Variants in SLC22A3 observed in about 807,000 individuals in gnomAD.
SLC22A3 encodes EMT organic cation transporter 3.
Under a neutral mutation model 59.1 loss-of-function variants are expected in SLC22A3, and 51 were observed. The ratio of observed to expected loss-of-function variants is 0.86; its 90% confidence interval spans 0.69 to 1.09. The LOEUF (loss-of-function observed/expected upper bound fraction) is 1.09. SLC22A3 is among the 50% of genes least tolerant of loss of function. The probability of loss-of-function intolerance (pLI) is 0.00; values close to 1 mark genes in which losing one functional copy is unlikely to be tolerated. For synonymous variants in SLC22A3, 325 were observed against 292.0 expected (o/e 1.11, Z -1.15); for missense variants, 711 against 726.3 (o/e 0.98, Z 0.24).
rs149331607 is a variant in SLC22A3 at position 160,431,478 on chromosome 6, C to A, written c.976-5302C>A. The stretch of plus-strand genomic sequence containing the variant: ...TTAAATGTAGCAAAATATGTACTTG[C>A]TTGGAAGTACTCTTAATCCTTTCAT... On this transcript the variant is annotated intron_variant, in intron 5 of 10. Coordinates refer to ENST00000275300, the MANE Select transcript of SLC22A3 (RefSeq NM_021977.4). Among the ~76,000 whole-genome samples, 1,075 of 152,272 alleles carry A rather than the reference C, an allele frequency of 7.1e-3. 19 individuals carry two copies. Among genetic ancestry groups the A allele is most frequent in the African/African-American group, 0.025 (1,037 of 41,562 alleles).
chr6:160,405,028 GA>G (rs999736580), intron 2 of SLC22A3, among the ~76,000 whole-genome samples: 12 of 151,970 alleles, frequency 7.9e-5, no homozygotes, highest in Admixed American at 7.2e-4. Context: ...CATAATCCAT[GA>G]AAAAAAGAAC....
At position 160,393,797 on chromosome 6, in the gene SLC22A3, A is replaced by G. The variant is rs536320074; in HGVS notation, c.430-4182A>G. 2.0e-5 allele frequency among the ~76,000 whole-genome samples: 3 copies of G among 152,374 alleles called. No homozygotes were observed. The South Asian group carries it at 6.2e-4, about 32-fold the overall frequency. On this transcript the variant is annotated intron_variant, in intron 1 of 10. Transcript: ENST00000275300. ...GAAATGACAACTTTAGCATATATCT[A>G]ATAATTACTTGCCCCAGCATTTCAT...
intron 1 of SLC22A3, among the ~76,000 whole-genome samples, chr6:160,380,448 T>C (rs73782568): frequency 0.013 from 1,941 of 152,230 alleles, 48 homozygotes; most frequent in African/African-American, 0.044. Flanking sequence ...ATGTACTAAA[T>C]GCAACCTTTT....
intron 9 of SLC22A3, 62 bp from the exon 10 acceptor site, chr6:160,447,657 C>A: frequency 7.5e-7 from 1 of 1,339,378 alleles, no homozygotes; most frequent in Non-Finnish European, 1.0e-6. Flanking sequence ...GTGAGCAGGC[C>A]CCATGGGAGA....
At chr6:160,382,626 G>A (rs995875302) in intron 1 of SLC22A3, among the ~76,000 whole-genome samples, 4 of 152,148 alleles carry the variant, frequency 2.6e-5, no homozygotes, top group Non-Finnish European at 4.4e-5. Flanking sequence ...TATCAAGCTA[G>A]TAAGACATGC....
intron 1 of SLC22A3, among the ~76,000 whole-genome samples, chr6:160,360,774 C>T (rs1271678476): frequency 6.6e-6 from 1 of 152,100 alleles, no homozygotes; most frequent in African/African-American, 2.4e-5. Context: ...CCCCCCCGCC[C>T]CAACCAATGT....
At chr6:160,423,765 C>G (rs937988678) in intron 5 of SLC22A3, among the ~76,000 whole-genome samples, 2 of 152,152 alleles carry the variant, frequency 1.3e-5, no homozygotes, top group South Asian at 2.1e-4. Flanking sequence ...CTCCCATTCT[C>G]TAGGTTGCCT....
chr6:160,400,642 T>C (rs992559721), intron 2 of SLC22A3, among the ~76,000 whole-genome samples: 1 of 118,582 alleles, frequency 8.4e-6, no homozygotes, highest in African/African-American at 3.6e-5. Flanking sequence ...TTACAAGACA[T>C]ACTAAAAGCC....
chr6:160,377,817 C>T (rs192695045), intron 1 of SLC22A3, among the ~76,000 whole-genome samples: 10 of 152,306 alleles, frequency 6.6e-5, no homozygotes, highest in East Asian at 3.9e-4. Flanking sequence ...GCTAAGCAAA[C>T]GTAGGTTTGG....
At chr6:160,397,678 A>G (rs1408980999) in intron 1 of SLC22A3, among the ~76,000 whole-genome samples, 3 of 151,300 alleles carry the variant, frequency 2.0e-5, no homozygotes, top group African/African-American at 4.9e-5. Flanking sequence ...AGGTTGCAGT[A>G]AGCAGAGATT....
At chr6:160,425,775 T>C (rs1787929659) in intron 5 of SLC22A3, 1 of 970,548 alleles carries the variant, frequency 1.0e-6, no homozygotes, top group Non-Finnish European at 1.2e-6. Flanking sequence ...CTAGTCTATA[T>C]ATTTGTTGGA....
At chr6:160,434,270 C>T (rs997524980) in intron 5 of SLC22A3, among the ~76,000 whole-genome samples, 4 of 152,168 alleles carry the variant, frequency 2.6e-5, no homozygotes, top group African/African-American at 9.7e-5. Context: ...AGTTTTAGGT[C>T]AAGTGCACAG....
intron 10 of SLC22A3, among the ~76,000 whole-genome samples, chr6:160,450,127 T>C (rs1341372349): frequency 6.6e-6 from 1 of 151,948 alleles, no homozygotes; most frequent in Non-Finnish European, 1.5e-5. Context: ...CAGGGCGGGG[T>C]TTCCCAATCC....
intron 5 of SLC22A3, among the ~76,000 whole-genome samples, chr6:160,423,969 T>C (rs1448344895): frequency 3.9e-5 from 6 of 152,252 alleles, no homozygotes; most frequent in Non-Finnish European, 7.3e-5. Flanking sequence ...AACATTTAAG[T>C]CTTTAATCCA....
chr6:160,432,318 G>A (rs1788179883), intron 5 of SLC22A3, among the ~76,000 whole-genome samples: 1 of 152,032 alleles, frequency 6.6e-6, no homozygotes, highest in Non-Finnish European at 1.5e-5. Flanking sequence ...AGAGTGTAGT[G>A]GGAATTCTGT....
intron 1 of SLC22A3, among the ~76,000 whole-genome samples, chr6:160,389,350 C>G (rs1250412949): frequency 1.3e-5 from 2 of 152,198 alleles, no homozygotes; most frequent in South Asian, 2.1e-4. Flanking sequence ...AAGTGCCAAG[C>G]AGGAGAACAT....
intron 1 of SLC22A3, among the ~76,000 whole-genome samples, chr6:160,363,986 A>G (rs1314719838): frequency 1.3e-5 from 2 of 152,094 alleles, no homozygotes; most frequent in Non-Finnish European, 2.9e-5. Flanking sequence ...AACTGGGACA[A>G]TTGGTCACCC....
intron 3 of SLC22A3, among the ~76,000 whole-genome samples, chr6:160,407,639 T>C (rs1787070469): frequency 6.6e-6 from 1 of 152,174 alleles, no homozygotes; most frequent in Admixed American, 6.5e-5. Flanking sequence ...GGGAAACTTT[T>C]TACTATGGGA....
intron 5 of SLC22A3, among the ~76,000 whole-genome samples, chr6:160,425,243 G>T (rs574316438): frequency 2.6e-5 from 4 of 152,276 alleles, no homozygotes; most frequent in South Asian, 2.1e-4. Context: ...CTGAATCACA[G>T]AATTCTTATT....
Sources: allele counts gnomAD v4.1 joint callset (sites outside exome capture counted in the v4.1 genomes callset), GRCh38; gene constraint gnomAD v4.1.1; transcripts MANE v1.5; gene names NCBI Gene and HGNC (gene_info 2026-07-23, HGNC 2026-07-21).